The following FAM3C variants were observed in gnomAD, a reference collection of about 807,000 sequenced individuals.
The protein encoded by FAM3C is FAM3 metabolism regulating signaling molecule C, also known as protein FAM3C.
FAM3C carries 15 observed loss-of-function variants against 32.5 expected under a neutral mutation model. That is an observed-to-expected ratio of 0.46 (90% CI 0.31 to 0.71). The LOEUF is 0.71. Among genes scored for constraint, FAM3C ranks in the 30% least tolerant of loss-of-function variants. The pLI, the probability that FAM3C is intolerant of heterozygous loss-of-function variation, is 0.05. For missense variants in FAM3C, 175 were observed against 274.4 expected, an observed-to-expected ratio of 0.64 and a Z score of 2.56; for synonymous variants, 75 against 86.1, an observed-to-expected ratio of 0.87 and a Z score of 0.72.
At chr7:121,353,284 T>A (rs1256717501) in intron 8 of FAM3C, among the ~76,000 whole-genome samples, 1 of 152,220 alleles carries the variant, frequency 6.6e-6, no homozygotes, top group Non-Finnish European at 1.5e-5. Flanking sequence ...TTCTTATTTT[T>A]GTACTCCTGA....
In FAM3C at chr7:121,371,443, A is replaced by G. The variant is rs752499174; in HGVS notation, c.149-20T>C. 2 of 1,611,278 alleles carry G rather than the reference A, an allele frequency of 1.2e-6. No homozygotes were observed. The highest frequency in any genetic ancestry group is 4.5e-5 in the East Asian group (2 of 44,810). ...TTGTAGCTTTGGGGGAGAAAACATG[A>G]TGTCTTTTTTTAGAAAACAAGTTAA... On this transcript the variant is annotated intron_variant, in intron 4 of 9. Coordinates refer to ENST00000359943, the MANE Select transcript of FAM3C (RefSeq NM_014888.3).
intron 2 of FAM3C, among the ~76,000 whole-genome samples, chr7:121,380,729 C>T (rs987442334): frequency 5.8e-5 from 6 of 104,328 alleles, no homozygotes; most frequent in African/African-American, 2.3e-4. Context: ...TATATACAAA[C>T]ATTTTATATA....
Position 121,378,926 on chromosome 7 carries a change from A to G in FAM3C, c.102T>C (p.Ser34=). ...SQVFEIKMDA[S]LGNLFARSAL... Reference sequence around the variant, plus strand: ...AAAACTTACCAAATAGATTTCCTAAACTTGCATCCATTTTTATTTCAAATA... The same window carrying G: ...AAAACTTACCAAATAGATTTCCTAAGCTTGCATCCATTTTTATTTCAAATA... The change falls in exon 3 of 10, where the codon AGT becomes AGC. Residue 34 remains serine (S), a synonymous_variant. Transcript: ENST00000359943. 2 of 1,509,728 alleles carry G rather than the reference A, an allele frequency of 1.3e-6. No individual in the cohort carries two copies. The highest frequency in any genetic ancestry group is 1.8e-6 in the Non-Finnish European group (2 of 1,108,032). The allele number at this position is 1,509,728 out of a possible 1,614,324, so 93.5% of individuals were successfully genotyped here. A position where few individuals can be genotyped will look rare whatever the true frequency, so the allele number is the denominator to read the frequency against.
At chr7:121,359,062 A>T (rs1184824478) in intron 8 of FAM3C, among the ~76,000 whole-genome samples, 3 of 151,970 alleles carry the variant, frequency 2.0e-5, no homozygotes, top group African/African-American at 7.2e-5. Context: ...TCAAACTCTT[A>T]AAATTGAAAC....
Position 121,362,885 on chromosome 7 carries a change from A to G in FAM3C, c.382+12T>C, listed in dbSNP as rs1793953488. On this transcript the variant is annotated intron_variant, in intron 7 of 9. Coordinates refer to ENST00000359943, the MANE Select transcript of FAM3C (RefSeq NM_014888.3). Reference sequence around the variant, plus strand: ...GCCAGCAAAAGAACACAGTCATGTTATTTATGCTTACCTCCTCCCCACATG... The same window carrying G: ...GCCAGCAAAAGAACACAGTCATGTTGTTTATGCTTACCTCCTCCCCACATG... 1 of 1,480,474 alleles carries G rather than the reference A, an allele frequency of 6.8e-7. No individual in the cohort carries two copies. Among genetic ancestry groups the G allele is most frequent in the Non-Finnish European group, 9.4e-7 (1 of 1,062,446 alleles). The allele number at this position is 1,480,474 out of a possible 1,614,324, so 91.7% of individuals were successfully genotyped here. A position where few individuals can be genotyped will look rare whatever the true frequency, so the allele number is the denominator to read the frequency against.
intron 3 of FAM3C, among the ~76,000 whole-genome samples, chr7:121,374,222 A>T (rs149730857): frequency 6.6e-6 from 1 of 152,178 alleles, no homozygotes; most frequent in Non-Finnish European, 1.5e-5. Context: ...GGAGAAACTG[A>T]GTAAACAGTA....
chr7:121,365,110 GCA>G (rs2116899577), intron 5 of FAM3C, among the ~76,000 whole-genome samples: 1 of 152,154 alleles, frequency 6.6e-6, no homozygotes, highest in South Asian at 2.1e-4. Context: ...AAGATGTATA[GCA>G]CACAATTTCA....
chr7:121,393,800 A>C (rs1006449184), intron 1 of FAM3C, among the ~76,000 whole-genome samples: 3 of 152,204 alleles, frequency 2.0e-5, no homozygotes, highest in African/African-American at 7.2e-5. Context: ...TCAGATTAAA[A>C]AGGACTGCAT....
chr7:121,386,557 T>TACACACACACACACAC (rs1477442461), intron 1 of FAM3C, among the ~76,000 whole-genome samples: 2 of 151,670 alleles, frequency 1.3e-5, no homozygotes, highest in African/African-American at 4.8e-5. Context: ...ATAATAAACA[T>TACACACACACACACAC]ATACACACAC....
Position 121,354,081 on chromosome 7 carries a change from GTAAC to G in FAM3C, c.468-2816_468-2813del, listed in dbSNP as rs199509492. ...ATTATTATTTTTAGATATCTTCTGT[GTAAC>G]TAAGTAAAAAAAATCTTTATATTTC... On this transcript the variant is annotated intron_variant, in intron 8 of 9. Coordinates refer to ENST00000359943, the MANE Select transcript of FAM3C (RefSeq NM_014888.3). Among the ~76,000 whole-genome samples, 612 of 152,144 alleles carry G rather than the reference GTAAC, an allele frequency of 4.0e-3. 1 individual carries two copies. The highest frequency in any genetic ancestry group is 6.9e-3 in the Non-Finnish European group (468 of 68,016).
intron 1 of FAM3C, among the ~76,000 whole-genome samples, 188 bp from the exon 2 acceptor site, chr7:121,383,198 C>G (rs773842283): frequency 3.3e-5 from 5 of 151,578 alleles, no homozygotes; most frequent in Non-Finnish European, 7.4e-5. Context: ...CAAGGAGGGT[C>G]TGTCTTACCC....
At chr7:121,357,847 T>C (rs568927069) in intron 8 of FAM3C, among the ~76,000 whole-genome samples, 2 of 152,194 alleles carry the variant, frequency 1.3e-5, no homozygotes, top group Non-Finnish European at 2.9e-5. Context: ...GTTGTGGCTA[T>C]AATTTATTAT....
At chr7:121,384,716 T>C (rs1584707386) in intron 1 of FAM3C, among the ~76,000 whole-genome samples, 1 of 152,348 alleles carries the variant, frequency 6.6e-6, no homozygotes, top group South Asian at 2.1e-4. Context: ...TGAATACAAC[T>C]GTTTTCCATT....
intron 1 of FAM3C, among the ~76,000 whole-genome samples, chr7:121,390,384 T>C (rs1252403855): frequency 1.3e-5 from 2 of 152,238 alleles, no homozygotes; most frequent in African/African-American, 4.8e-5. Context: ...TGTTCATTCC[T>C]GGGCATAGGC....
rs368204368 is a variant in FAM3C at position 121,379,138 on chromosome 7, T to G, written c.14-124A>C. 190 of 571,806 alleles carry G rather than the reference T, an allele frequency of 3.3e-4. No individual in the cohort carries two copies. The African/African-American group carries it at 3.6e-3, about 11-fold the overall frequency. The allele number at this position is 571,806 out of a possible 1,614,324, so 35.4% of individuals were successfully genotyped here. A position where few individuals can be genotyped will look rare whatever the true frequency, so the allele number is the denominator to read the frequency against. On this transcript the variant is annotated intron_variant, in intron 2 of 9. Coordinates refer to ENST00000359943, the MANE Select transcript of FAM3C (RefSeq NM_014888.3). ...ATTTCTACTTTGTATCTATTAGATC[T>G]TAATTTTACATGAGATACATAAAAA... is the stretch of plus-strand genomic sequence containing the variant.
At chr7:121,366,668 C>T (rs1425935003) in intron 5 of FAM3C, among the ~76,000 whole-genome samples, 1 of 152,060 alleles carries the variant, frequency 6.6e-6, no homozygotes. Flanking sequence ...AAACCACTGA[C>T]TGTATAATAT....
intron 3 of FAM3C, among the ~76,000 whole-genome samples, chr7:121,374,491 A>G (rs1424058625): frequency 6.6e-6 from 1 of 152,216 alleles, no homozygotes; most frequent in Non-Finnish European, 1.5e-5. Flanking sequence ...GAATCACCAA[A>G]AGAACTATTT....
chr7:121,364,935 G>A (rs73219303), intron 5 of FAM3C, among the ~76,000 whole-genome samples: 13,215 of 152,066 alleles, frequency 0.087, 739 homozygotes, highest in Non-Finnish European at 0.13. Flanking sequence ...AAACTTCAAG[G>A]TAATAGTAAT....
chr7:121,351,040 T>C (rs1456294210), intron 9 of FAM3C, 103 bp downstream of exon 9: 1 of 1,018,266 alleles, frequency 9.8e-7, no homozygotes, highest in Non-Finnish European at 1.5e-6. Context: ...TGATCATATT[T>C]ACTATCCGCT....
Sources: allele counts gnomAD v4.1 joint callset (sites outside exome capture counted in the v4.1 genomes callset), GRCh38; gene constraint gnomAD v4.1.1; transcripts MANE v1.5; gene names NCBI Gene and HGNC (gene_info 2026-07-23, HGNC 2026-07-21).